FZR1: variants seen among roughly 807,000 people sequenced by gnomAD.
The protein encoded by FZR1 is fizzy and cell division cycle 20 related 1.
FZR1 carries 11 observed loss-of-function variants against 63.6 expected under a neutral mutation model. That is an observed-to-expected ratio of 0.17 (90% CI 0.11 to 0.29). The LOEUF (loss-of-function observed/expected upper bound fraction) is 0.29, where lower values mean the gene tolerates loss of function less well. Among genes scored for constraint, FZR1 ranks in the 10% least tolerant of loss-of-function variants. The pLI is 1.00. For synonymous variants in FZR1, 328 were observed against 297.9 expected, an observed-to-expected ratio of 1.10 and a Z score of -1.04; for missense variants, 440 against 687.5, an observed-to-expected ratio of 0.64 and a Z score of 4.03.
In FZR1 at chr19:3,533,629, G is replaced by C; in HGVS notation, c.1347+231G>C. The C allele has an allele frequency of 1.9e-6, 1 of 535,836 alleles. No homozygotes were observed. Among genetic ancestry groups the C allele is most frequent in the Non-Finnish European group, 3.3e-6 (1 of 299,602 alleles). The allele number at this position is 535,836 out of a possible 1,614,324, so 33.2% of individuals were successfully genotyped here. A position where few individuals can be genotyped will look rare whatever the true frequency, so the allele number is the denominator to read the frequency against. ...CAGGTGCAGGCCCTGTCCTCCTGGAGGACCTTAGCTTCTTCATTTGTTTAT... is the reference window on the plus strand; with the variant it reads ...CAGGTGCAGGCCCTGTCCTCCTGGACGACCTTAGCTTCTTCATTTGTTTAT... On this transcript the variant is annotated intron_variant, in intron 12 of 13. Coordinates refer to ENST00000441788, the MANE Select transcript of FZR1 (RefSeq NM_016263.4). The surrounding 1 kb of genome is among the most constrained non-coding windows in gnomAD (Gnocchi z 4.9).
Position 3,506,492 on chromosome 19 carries a change from G to C in FZR1, c.-35+18G>C, listed in dbSNP as rs1420583557. On this transcript the variant is annotated intron_variant, in intron 1 of 13. Transcript: ENST00000441788. ...CGAGCCAGGTGAGGCGGCCGGGGTC[G>C]GGGACCCGCCCCCCGGGCCCTAGGC... is the stretch of plus-strand genomic sequence containing the variant. 3 of 151,636 alleles carry C rather than the reference G, an allele frequency of 2.0e-5. No individual in the cohort carries two copies. Among genetic ancestry groups the C allele is most frequent in the Non-Finnish European group, 4.4e-5 (3 of 67,848 alleles). 9.4% of individuals were successfully genotyped at this position (151,636 alleles called of 1,614,324 possible). A position where few individuals can be genotyped will look rare whatever the true frequency, so the allele number is the denominator to read the frequency against.
chr19:3,513,254 G>A (rs996960781), intron 1 of FZR1, among the ~76,000 whole-genome samples: 2 of 152,078 alleles, frequency 1.3e-5, no homozygotes, highest in African/African-American at 2.4e-5. Flanking sequence ...GCTGTGTCCC[G>A]GCCCACCCCC....
chr19:3,528,699 G>A lies in FZR1; in HGVS notation c.654+885G>A, dbSNP rs1468906174. ...AGTGGATGGGTGAGCGGATGAGAGA[G>A]TGGATGGGTGAGCAGATTAGGGAGT... On this transcript the variant is annotated intron_variant, in intron 7 of 13. Transcript: ENST00000441788. 1.1e-4 allele frequency among the ~76,000 whole-genome samples: 15 copies of A among 131,088 alleles called. 1 individual carries two copies. Among genetic ancestry groups the A allele is most frequent in the Non-Finnish European group, 2.2e-4 (13 of 59,710 alleles). The allele number at this position is 131,088 out of a possible 152,430, so 86.0% of individuals were successfully genotyped here. A position where few individuals can be genotyped will look rare whatever the true frequency, so the allele number is the denominator to read the frequency against.
chr19:3,522,958 T>C lies in FZR1; in HGVS notation c.-32T>C. 12 of 1,560,144 alleles carry C rather than the reference T, an allele frequency of 7.7e-6. No homozygotes were observed. Among genetic ancestry groups the C allele is most frequent in the Non-Finnish European group, 1.1e-5 (12 of 1,131,960 alleles). On this transcript the variant is annotated splice_region_variant and 5_prime_UTR_variant, in exon 2 of 14. Coordinates refer to ENST00000441788, the MANE Select transcript of FZR1 (RefSeq NM_016263.4). ...CTCTCCTGCCCTTCCCGCTGCAGGC[T>C]AACCTTGCCGCGGGCCGAGCCCTGC... is the stretch of plus-strand genomic sequence containing the variant.
chr19:3,532,912 C>T (rs1240528723), intron 11 of FZR1, among the ~76,000 whole-genome samples: 3 of 152,236 alleles, frequency 2.0e-5, no homozygotes, highest in East Asian at 3.9e-4. Flanking sequence ...AGCCGGGGAG[C>T]TCCTATGGCT....
Position 3,531,636 on chromosome 19 carries a change from G to A in FZR1, c.721-78G>A, listed in dbSNP as rs988258110. ...CAGAGCCCTGGTGAGGAGAGAGCCT[G>A]GCGCGACCAACGCCAGGACGGGCAC... is the stretch of plus-strand genomic sequence containing the variant. On this transcript the variant is annotated intron_variant, in intron 8 of 13. Coordinates refer to ENST00000441788, the MANE Select transcript of FZR1 (RefSeq NM_016263.4). The A allele has an allele frequency of 3.1e-6, 3 of 982,408 alleles. No individual in the cohort carries two copies. In the East Asian group the frequency reaches 8.0e-5, roughly 26 times the overall value. The allele number at this position is 982,408 out of a possible 1,614,324, so 60.9% of individuals were successfully genotyped here.
At chr19:3,532,292 G>T in intron 10 of FZR1, 125 bp from the exon 11 acceptor site, 1 of 858,118 alleles carries the variant, frequency 1.2e-6, no homozygotes, top group Non-Finnish European at 1.8e-6. Flanking sequence ...GCCCCCAGGG[G>T]TCCTTGAGGG....
chr19:3,530,590 G>A (rs534528553), intron 7 of FZR1, among the ~76,000 whole-genome samples: 1 of 151,958 alleles, frequency 6.6e-6, no homozygotes, highest in East Asian at 1.9e-4. Context: ...GAAAGCGGAT[G>A]AGAGTGGTTG....
rs1405571341 is a variant in FZR1 at position 3,515,333 on chromosome 19, T to G, written c.-34-7623T>G. On this transcript the variant is annotated intron_variant, in intron 1 of 13. Coordinates refer to ENST00000441788, the MANE Select transcript of FZR1 (RefSeq NM_016263.4). This position sits in a 1 kb window ranked among gnomAD's most constrained non-coding sequence, Gnocchi z 4.6. ...TTAAGATCCTGATTTCTCTCTACTC[T>G]AACCTTTTACGATGAAACCTTCCGA... Among the ~76,000 whole-genome samples, 1 of 152,194 alleles carries G rather than the reference T, an allele frequency of 6.6e-6. No homozygotes were observed. The highest frequency in any genetic ancestry group is 1.9e-4 in the East Asian group (1 of 5,200).
At chr19:3,530,307 GGA>G (rs1408305833) in intron 7 of FZR1, among the ~76,000 whole-genome samples, 1 of 104,156 alleles carries the variant, frequency 9.6e-6, no homozygotes, top group Non-Finnish European at 2.0e-5. Context: ...GGAGAGCGGA[GGA>G]GAGAGCGGAG....
intron 7 of FZR1, among the ~76,000 whole-genome samples, chr19:3,530,306 A>AT: frequency 8.1e-6 from 1 of 123,022 alleles, no homozygotes; most frequent in African/African-American, 3.4e-5. Context: ...GGGAGAGCGG[A>AT]GGAGAGAGCG....
intron 1 of FZR1, among the ~76,000 whole-genome samples, chr19:3,517,021 C>T (rs998115301): frequency 6.6e-6 from 1 of 152,262 alleles, no homozygotes; most frequent in Non-Finnish European, 1.5e-5. Flanking sequence ...CACAACCAGA[C>T]TCTGCCAGCA....
Position 3,526,134 on chromosome 19 carries a change from T to C in FZR1, c.210T>C (p.Ser70=), listed in dbSNP as rs2083154916. Reference sequence around the variant, plus strand: ...CCTGCCTGCAGGAGAATGAGAAGTCTCCCAGTCAGAACCGGAAAGCCAAGG... The same window carrying C: ...CCTGCCTGCAGGAGAATGAGAAGTCCCCCAGTCAGAACCGGAAAGCCAAGG... ...NFHRINENEK[S]PSQNRKAKDA... Residue 70 remains serine (S), a synonymous_variant, in exon 4 of 14, where the codon TCT becomes TCC. Transcript: ENST00000441788. The surrounding 1 kb of genome is among the most constrained non-coding windows in gnomAD (Gnocchi z 5.4). 6.2e-7 allele frequency: 1 copy of C among 1,612,694 alleles called. No individual in the cohort carries two copies. The highest frequency in any genetic ancestry group is 1.3e-5 in the African/African-American group (1 of 74,830).
intron 7 of FZR1, among the ~76,000 whole-genome samples, chr19:3,528,517 C>CTG (rs56342854): frequency 0.16 from 24,878 of 151,920 alleles, 2,191 homozygotes; most frequent in Middle Eastern, 0.24. Flanking sequence ...AGGCTCTCCC[C>CTG]TGTGTGTGTG....
At chr19:3,530,946 C>A in intron 8 of FZR1, 89 bp downstream of exon 8, 1 of 1,008,112 alleles carries the variant, frequency 9.9e-7, no homozygotes, top group Non-Finnish European at 1.5e-6. Context: ...GGGTCTAGTG[C>A]GTGGCCTGAG....
At position 3,510,107 on chromosome 19, in the gene FZR1, C is replaced by T. The variant is rs529725578; in HGVS notation, c.-35+3633C>T. The stretch of plus-strand genomic sequence containing the variant: ...CATGTCCCTTCCACCCCAGCCTTCC[C>T]AAATTGCTGCACGGTTCTGATTTTT... On this transcript the variant is annotated intron_variant, in intron 1 of 13. Transcript: ENST00000441788. Among the ~76,000 whole-genome samples, 6 of 152,132 alleles carry T rather than the reference C, an allele frequency of 3.9e-5. No individual in the cohort carries two copies. In the East Asian group the frequency reaches 1.2e-3, roughly 29 times the overall value.
chr19:3,524,705 G>A (rs894869190), intron 2 of FZR1, among the ~76,000 whole-genome samples: 7 of 152,102 alleles, frequency 4.6e-5, no homozygotes, highest in South Asian at 2.1e-4. Context: ...GCTTCCTCTC[G>A]AGGCTCCAGG....
intron 1 of FZR1, among the ~76,000 whole-genome samples, chr19:3,511,061 C>T (rs867441240): frequency 6.6e-6 from 1 of 152,250 alleles, no homozygotes; most frequent in South Asian, 2.1e-4. Context: ...CCTCGGGAAC[C>T]TGATGGCGCT....
At chr19:3,520,773 ATCAGGCCAACCGCCTCAGTATC>A (rs1302691019) in intron 1 of FZR1, among the ~76,000 whole-genome samples, 2 of 152,224 alleles carry the variant, frequency 1.3e-5, no homozygotes, top group Non-Finnish European at 2.9e-5. Context: ...GGAGGTGGCA[ATCAGGCCAACCGCCTCAGTATC>A]TCAGGACAGA....
Sources: allele counts gnomAD v4.1 joint callset (sites outside exome capture counted in the v4.1 genomes callset), GRCh38; gene constraint gnomAD v4.1.1; non-coding constraint Gnocchi (gnomAD v3.1); transcripts MANE v1.5; gene names NCBI Gene and HGNC (gene_info 2026-07-23, HGNC 2026-07-21).